Variants in SDK2 observed in about 807,000 individuals in gnomAD.
SDK2 encodes protein sidekick-2.
A neutral mutation model predicts 253.9 loss-of-function variants in SDK2; 105 were observed. The ratio of observed to expected loss-of-function variants is 0.41; its 90% CI spans 0.35 to 0.49. The LOEUF is 0.49. Among genes scored for constraint, SDK2 ranks in the 20% least tolerant of loss-of-function variants. The pLI is 0.06. For missense variants in SDK2, 2,608 were observed against 3,003.0 expected (o/e 0.87, Z 3.07); for synonymous variants, 1,249 against 1,234.9 (o/e 1.01, Z -0.24).
At chr17:73,417,168 C>T (rs1323458800) in intron 16 of SDK2, among the ~76,000 whole-genome samples, 1 of 151,192 alleles carries the variant, frequency 6.6e-6, no homozygotes, top group Non-Finnish European at 1.5e-5. Flanking sequence ...CTTTGGGAGG[C>T]CCAGGCAGGT....
chr17:73,439,409 G>A (rs2063396747), intron 6 of SDK2, among the ~76,000 whole-genome samples: 1 of 152,164 alleles, frequency 6.6e-6, no homozygotes, highest in Non-Finnish European at 1.5e-5. Context: ...TTTTAGAAAT[G>A]CTGCCAAAAA....
chr17:73,362,803 C>T (rs551061091), intron 38 of SDK2, among the ~76,000 whole-genome samples: 9 of 152,312 alleles, frequency 5.9e-5, no homozygotes, highest in Admixed American at 4.6e-4. Context: ...CTGTGCTTCG[C>T]GAATCCAAAT....
rs61027934 is a variant in SDK2 at position 73,586,384 on chromosome 17, C to T, written c.64+57641G>A. 2.2e-3 allele frequency among the ~76,000 whole-genome samples: 341 copies of T among 152,260 alleles called. 3 individuals are homozygous for T. Among genetic ancestry groups the T allele is most frequent in the African/African-American group, 7.8e-3 (326 of 41,554 alleles). ...CTTGGCTCCACTTCCCTCCTCCTTC[C>T]GCCCCTCTCCCCCTCGCTGAGACCA... is the stretch of plus-strand genomic sequence containing the variant. On this transcript the variant is annotated intron_variant, in intron 1 of 44. Transcript: ENST00000392650.
rs981774471 is a variant in SDK2 at position 73,438,100 on chromosome 17, G to A, written c.780C>T (p.Gly260=). ...GCCGGCGGTTGTGGTCACTGATGCCGCCCGACAGCAATACCCCGTCCTTCT... is the reference window on the plus strand; with the variant it reads ...GCCGGCGGTTGTGGTCACTGATGCCACCCGACAGCAATACCCCGTCCTTCT... ...IWKKDGVLLS[G]GISDHNRRLT... Residue 260 remains glycine, a synonymous_variant, in exon 7 of 45, where the codon GGC becomes GGT. Coordinates refer to ENST00000392650, the MANE Select transcript of SDK2 (RefSeq NM_001144952.2). 1.7e-5 allele frequency: 26 copies of A among 1,551,554 alleles called. No individual in the cohort carries two copies. Among genetic ancestry groups the A allele is most frequent in the Non-Finnish European group, 2.0e-5 (23 of 1,147,010 alleles).
chr17:73,604,932 C>T (rs556513222), intron 1 of SDK2, among the ~76,000 whole-genome samples: 70 of 152,210 alleles, frequency 4.6e-4, no homozygotes, highest in South Asian at 1.7e-3. Context: ...ATTTAGTGGA[C>T]CACTGCGGGA....
intron 21 of SDK2, among the ~76,000 whole-genome samples, chr17:73,400,733 A>C (rs1428571995): frequency 2.7e-5 from 4 of 146,244 alleles, no homozygotes; most frequent in Admixed American, 1.4e-4. Flanking sequence ...GGCTCGCTGC[A>C]ACCTCTACCT....
intron 37 of SDK2, among the ~76,000 whole-genome samples, chr17:73,367,284 C>G (rs576109386): frequency 3.6e-4 from 54 of 152,096 alleles, no homozygotes; most frequent in Non-Finnish European, 6.6e-4. Flanking sequence ...GCTGGGATTA[C>G]AGGTGTGAGA....
chr17:73,643,781 C>A lies in SDK2; in HGVS notation c.64+244G>T, dbSNP rs1401413432. Among the ~76,000 whole-genome samples, 1 of 152,138 alleles carries A rather than the reference C, an allele frequency of 6.6e-6. No homozygotes were observed. The highest frequency in any genetic ancestry group is 1.5e-5 in the Non-Finnish European group (1 of 68,006). ...CTCCCACTTCACCTTGGGCTCTTCT[C>A]TGCCTCCCCAGGTCGTCCCCACCTT... On this transcript the variant is annotated intron_variant, in intron 1 of 44. Coordinates refer to ENST00000392650, the MANE Select transcript of SDK2 (RefSeq NM_001144952.2). This position sits in a 1 kb window ranked among gnomAD's most constrained non-coding sequence, Gnocchi z 6.9.
At chr17:73,454,796 C>G (rs1293934021) in intron 4 of SDK2, among the ~76,000 whole-genome samples, 1 of 152,130 alleles carries the variant, frequency 6.6e-6, no homozygotes, top group Non-Finnish European at 1.5e-5. Flanking sequence ...CTCTGACTCC[C>G]AGGTTCAAGC....
In SDK2 at chr17:73,338,637, G is replaced by T; in HGVS notation, c.6469C>A (p.Leu2157Met). The change falls in exon 45 of 45, where the codon CTG (leucine) becomes ATG (methionine). Residue 2157 changes from leucine to methionine, a missense_variant. Coordinates refer to ENST00000392650, the MANE Select transcript of SDK2 (RefSeq NM_001144952.2). The surrounding 1 kb of genome is among the most constrained non-coding windows in gnomAD (Gnocchi z 5.0). ...QSTLYRPPSS[L>M]APGSRAPIAG... ...ATGGGAGCCCGGGAGCCTGGGGCCA[G>T]GCTGCTGGGGGGACGGTAGAGGGTG... 6.5e-7 allele frequency: 1 copy of T among 1,537,154 alleles called. No individual in the cohort carries two copies. Among genetic ancestry groups the T allele is most frequent in the Non-Finnish European group, 8.7e-7 (1 of 1,146,516 alleles).
intron 2 of SDK2, 84 bp from the exon 3 acceptor site, chr17:73,472,302 C>T (rs935907396): frequency 3.4e-5 from 30 of 876,200 alleles, no homozygotes; most frequent in East Asian, 1.1e-4. Context: ...GGTCAGAGGT[C>T]GCCAGGTCAC....
At chr17:73,503,316 T>C (rs8082329) in intron 2 of SDK2, among the ~76,000 whole-genome samples, 7 of 152,130 alleles carry the variant, frequency 4.6e-5, no homozygotes, top group South Asian at 2.1e-4. Context: ...TATTGTATCA[T>C]TGTTAAATTT....
In SDK2 at chr17:73,404,789, G is replaced by T. The variant is rs139941811; in HGVS notation, c.2485-2648C>A. 3.6e-3 allele frequency among the ~76,000 whole-genome samples: 552 copies of T among 152,308 alleles called. 2 individuals are homozygous for T. Among genetic ancestry groups the T allele is most frequent in the African/African-American group, 0.013 (530 of 41,556 alleles). On this transcript the variant is annotated intron_variant, in intron 18 of 44. Coordinates refer to ENST00000392650, the MANE Select transcript of SDK2 (RefSeq NM_001144952.2). ...GGCTCCCCTGAGAAGGCTCGGGTGTGTTCTGGGGAACGAGCATTAGACCTG... is the reference window on the plus strand; with the variant it reads ...GGCTCCCCTGAGAAGGCTCGGGTGTTTTCTGGGGAACGAGCATTAGACCTG...
chr17:73,365,200 T>C (rs1343891916), intron 38 of SDK2, 58 bp downstream of exon 38: 4 of 1,377,824 alleles, frequency 2.9e-6, no homozygotes, highest in South Asian at 2.9e-5. Context: ...GGCGCTGAGA[T>C]GAGAGCGAGC....
intron 20 of SDK2, 29 bp downstream of exon 20, chr17:73,401,625 C>T: frequency 6.4e-7 from 1 of 1,551,868 alleles, no homozygotes; most frequent in Non-Finnish European, 8.8e-7. Context: ...CTGTCCTGCC[C>T]TCTGGTTCAG....
Position 73,348,726 on chromosome 17 carries a change from C to A in SDK2, c.6039-1G>T. On this transcript the variant is annotated splice_acceptor_variant, in intron 43 of 44. Coordinates refer to ENST00000392650, the MANE Select transcript of SDK2 (RefSeq NM_001144952.2). LOFTEE classifies it high-confidence loss of function. ...GCCTGGGCTGGGCCTGGGGGGAGAC[C>A]TGGAGAGAGCGGGGGAGTGGGGCCG... 1 of 1,604,682 alleles carries A rather than the reference C, an allele frequency of 6.2e-7. No homozygotes were observed. The highest frequency in any genetic ancestry group is 8.5e-7 in the Non-Finnish European group (1 of 1,178,652).
chr17:73,466,713 A>ATG (rs2063600219), intron 3 of SDK2, among the ~76,000 whole-genome samples: 1 of 81,904 alleles, frequency 1.2e-5, no homozygotes, highest in Non-Finnish European at 2.2e-5. Flanking sequence ...GCTCTGGGGA[A>ATG]CGCCCCCCCC....
At chr17:73,466,722 C>T (rs1107385) in intron 3 of SDK2, among the ~76,000 whole-genome samples, 1 of 145,902 alleles carries the variant, frequency 6.9e-6, no homozygotes, top group African/African-American at 2.5e-5. Flanking sequence ...AACGCCCCCC[C>T]CCCCCGGCTT....
chr17:73,560,328 T>G lies in SDK2; in HGVS notation c.65-52731A>C, dbSNP rs868682582. Among the ~76,000 whole-genome samples the G allele has an allele frequency of 7.2e-5, 11 of 152,264 alleles. No homozygotes were observed. In the South Asian group the frequency reaches 1.7e-3, roughly 23 times the overall value. ...CTCTGCACCCGACCGTGCCTCGCAT[T>G]AACCCTTTATTGTTTTTGTTTGTTT... On this transcript the variant is annotated intron_variant, in intron 1 of 44. Transcript: ENST00000392650.
Sources: gnomAD v4.1 joint callset for allele counts (sites outside exome capture counted in the v4.1 genomes callset) on GRCh38, gnomAD v4.1.1 for gene constraint, Gnocchi (gnomAD v3.1) non-coding constraint, MANE v1.5 for transcripts, NCBI Gene and HGNC (gene_info 2026-07-23, HGNC 2026-07-21) for gene names.